The following SOX6 variants were observed in gnomAD, a reference collection of about 807,000 sequenced individuals.
SOX6 encodes SRY-box transcription factor 6.
In SOX6, 11 loss-of-function variants were observed where a neutral mutation model predicts 97.8. That is an observed-to-expected ratio of 0.11 (90% CI 0.07 to 0.19). SOX6 has a LOEUF of 0.19. SOX6 is among the 10% of genes least tolerant of loss of function. The probability of loss-of-function intolerance (pLI) is 1.00; values close to 1 mark genes in which losing one functional copy is unlikely to be tolerated. For synonymous variants in SOX6, 360 were observed against 371.4 expected, an observed-to-expected ratio of 0.97 and a Z score of 0.35; for missense variants, 810 against 1,039.5, an observed-to-expected ratio of 0.78 and a Z score of 3.04.
rs187528096 is a variant in SOX6 at position 16,428,753 on chromosome 11, G to A, written c.-5+47562C>T. 7.3e-3 allele frequency among the ~76,000 whole-genome samples: 1,113 copies of A among 152,258 alleles called. 16 individuals are homozygous for A. The highest frequency in any genetic ancestry group is 0.024 in the African/African-American group (995 of 41,550). ...GCCTTGTAGTATAGTTTGAAGTCAG[G>A]TAGTGTGATGCCTCCAGCTTTGTTC... is the stretch of plus-strand genomic sequence containing the variant. On this transcript the variant is annotated intron_variant, in intron 1 of 15. Transcript: ENST00000396356.
rs181416299 is a variant in SOX6 at position 16,244,042 on chromosome 11, T to G, written c.446-9371A>C. ...ATTTTTCCCCCTTAAAAATTGAATTTCCTGTAAAATTGGGGAGCTATGTGC... is the reference window on the plus strand; with the variant it reads ...ATTTTTCCCCCTTAAAAATTGAATTGCCTGTAAAATTGGGGAGCTATGTGC... On this transcript the variant is annotated intron_variant, in intron 3 of 15. Coordinates refer to ENST00000683767, the MANE Select transcript of SOX6 (RefSeq NM_001367873.1). Among the ~76,000 whole-genome samples, 23 of 152,058 alleles carry G rather than the reference T, an allele frequency of 1.5e-4. 1 individual carries two copies. In the East Asian group the frequency reaches 4.4e-3, roughly 29 times the overall value.
In SOX6 at chr11:16,186,952, G is replaced by A; in HGVS notation, c.539C>T (p.Thr180Ile). The change falls in exon 5 of 16, where the codon ACA (threonine) becomes ATA (isoleucine). Residue 180 changes from threonine to isoleucine, a missense_variant. Thr to Ile is a moderately conservative substitution (Grantham distance 89, BLOSUM62 -1). Transcript: ENST00000683767. ...TSELLGEIKG[T>I]PESLAEKERQ... is the part of the protein sequence containing the mutation. ...TTCTTTTTCTGCCAGGCTCTCAGGT[G>A]TACCTAAAATGGAAGCAAGAAGAGA... 6.2e-7 allele frequency: 1 copy of A among 1,613,724 alleles called. No individual in the cohort carries two copies. Among genetic ancestry groups the A allele is most frequent in the Non-Finnish European group, 8.5e-7 (1 of 1,179,782 alleles).
At chr11:16,047,566 G>A (rs774393667) in intron 11 of SOX6, among the ~76,000 whole-genome samples, 14 of 151,900 alleles carry the variant, frequency 9.2e-5, no homozygotes, top group Non-Finnish European at 1.8e-4. Flanking sequence ...TTTTACTGTG[G>A]GTAAAATGAA....
chr11:16,713,966 GTTT>G (rs1848199332), intron 3 of SOX6, among the ~76,000 whole-genome samples: 1 of 152,132 alleles, frequency 6.6e-6, no homozygotes, highest in South Asian at 2.1e-4. Context: ...GTGTGAATAT[GTTT>G]TTTAATTGCC....
chr11:16,577,006 A>C (rs1429800689), intron 4 of SOX6: 1 of 152,178 alleles, frequency 6.6e-6, no homozygotes, highest in Non-Finnish European at 1.5e-5. Flanking sequence ...GGAGCGGGAG[A>C]CCAACAGGTT....
chr11:16,344,169 A>C (rs1217236472), intron 1 of SOX6, among the ~76,000 whole-genome samples: 2 of 151,940 alleles, frequency 1.3e-5, no homozygotes, highest in Non-Finnish European at 2.9e-5. Flanking sequence ...TGTTTTTAGC[A>C]AGGTATTTCC....
At position 16,049,844 on chromosome 11, in the gene SOX6, G is replaced by T. The variant is rs559271368; in HGVS notation, c.1346C>A (p.Pro449Gln). The T allele has an allele frequency of 6.2e-7, 1 of 1,613,730 alleles. No individual in the cohort carries two copies. The highest frequency in any genetic ancestry group is 1.3e-5 in the African/African-American group (1 of 74,968). Residue 449 changes from proline to glutamine, a missense_variant, in exon 11 of 16, where the codon CCA (proline) becomes CAA (glutamine). Physicochemically the swap from Pro to Gln is moderately conservative, Grantham distance 76. Coordinates refer to ENST00000683767, the MANE Select transcript of SOX6 (RefSeq NM_001367873.1). ...SPTSPTQNLF[P>Q]ASKTSPVNLP... ...ATTGACAGGGCTGGTTTTGCTGGCT[G>T]GGAAGAGGTTCTGGGTGGGAGACGT...
Position 16,263,751 on chromosome 11 carries a change from G to T in SOX6, c.446-29080C>A, listed in dbSNP as rs1185807033. ...GCATATAAAAACTCATGGTCAAAAT[G>T]TATTTTTTTAACTTCAAACATACCA... On this transcript the variant is annotated intron_variant, in intron 3 of 15. Coordinates refer to ENST00000683767, the MANE Select transcript of SOX6 (RefSeq NM_001367873.1). 5.2e-4 allele frequency among the ~76,000 whole-genome samples: 7 copies of T among 13,434 alleles called. No homozygotes were observed. The Admixed American group carries it at 0.011, about 22-fold the overall frequency. 8.8% of individuals were successfully genotyped at this position (13,434 alleles called of 152,430 possible).
chr11:16,096,486 G>A (rs992852885), intron 8 of SOX6, among the ~76,000 whole-genome samples: 5 of 151,904 alleles, frequency 3.3e-5, no homozygotes, highest in South Asian at 2.1e-4. Context: ...CTTCTTAGGC[G>A]AAATTTCTAG....
At position 16,197,934 on chromosome 11, in the gene SOX6, C is replaced by T. The variant is rs181407653; in HGVS notation, c.536-10979G>A. Among the ~76,000 whole-genome samples the T allele has an allele frequency of 2.4e-3, 363 of 152,276 alleles. 3 individuals are homozygous for T. The highest frequency in any genetic ancestry group is 7.7e-3 in the Admixed American group (118 of 15,290). On this transcript the variant is annotated intron_variant, in intron 4 of 15. Transcript: ENST00000683767. ...AAAAGTTAATATACATTTGTTCAACCTATAAAAAATAATTTGTCACAAATA... is the reference window on the plus strand; with the variant it reads ...AAAAGTTAATATACATTTGTTCAACTTATAAAAAATAATTTGTCACAAATA...
At chr11:16,713,896 G>A (rs1848198722) in intron 3 of SOX6, among the ~76,000 whole-genome samples, 1 of 152,066 alleles carries the variant, frequency 6.6e-6, no homozygotes, top group African/African-American at 2.4e-5. Flanking sequence ...ACTTTTCTTT[G>A]CCAAAAATGT....
intron 1 of SOX6, among the ~76,000 whole-genome samples, chr11:16,348,076 T>A (rs781082051): frequency 6.6e-6 from 1 of 151,282 alleles, no homozygotes; most frequent in Non-Finnish European, 1.5e-5. Flanking sequence ...GGGGAGAAGG[T>A]AAAAGGGGAG....
chr11:16,173,987 A>G, intron 6 of SOX6, among the ~76,000 whole-genome samples: 1 of 151,134 alleles, frequency 6.6e-6, no homozygotes, highest in East Asian at 1.9e-4. Context: ...CTAGGACTAC[A>G]GATGCATGCC....
intron 1 of SOX6, among the ~76,000 whole-genome samples, chr11:16,365,072 G>A (rs989359296): frequency 2.6e-5 from 4 of 151,970 alleles, no homozygotes; most frequent in South Asian, 2.1e-4. Flanking sequence ...TAAGAGACAC[G>A]TTCACATAAT....
intron 9 of SOX6, among the ~76,000 whole-genome samples, chr11:16,077,597 A>C (rs1848385727): frequency 6.6e-6 from 1 of 152,244 alleles, no homozygotes; most frequent in Non-Finnish European, 1.5e-5. Context: ...AAAATGTGGT[A>C]CATAGACACC....
intron 9 of SOX6, among the ~76,000 whole-genome samples, chr11:16,076,815 G>A (rs1306648773): frequency 2.1e-5 from 3 of 143,162 alleles, no homozygotes; most frequent in African/African-American, 2.6e-5. Context: ...CTGCAGTGGC[G>A]CAATCTCGGC....
At chr11:16,082,566 G>A (rs1190598144) in intron 9 of SOX6, among the ~76,000 whole-genome samples, 1 of 152,114 alleles carries the variant, frequency 6.6e-6, no homozygotes, top group Admixed American at 6.6e-5. Context: ...CCTTGGCTTT[G>A]CTTCAGTCTT....
intron 3 of SOX6, among the ~76,000 whole-genome samples, chr11:16,698,727 TTG>T (rs1564871746): frequency 6.6e-6 from 1 of 152,244 alleles, no homozygotes; most frequent in East Asian, 1.9e-4. Flanking sequence ...TTCAATATTG[TTG>T]TGTTTCAGGG....
At chr11:16,714,910 T>A (rs1848209354) in intron 2 of SOX6, 1 of 152,180 alleles carries the variant, frequency 6.6e-6, no homozygotes, top group Non-Finnish European at 1.5e-5. Context: ...ACAGTCCTGT[T>A]GGAAAAGTTT....
Sources: gnomAD v4.1 joint callset for allele counts (sites outside exome capture counted in the v4.1 genomes callset) on GRCh38, gnomAD v4.1.1 for gene constraint, MANE v1.5 for transcripts, NCBI Gene and HGNC (gene_info 2026-07-23, HGNC 2026-07-21) for gene names.